The following COL27A1 variants were observed in gnomAD, a reference collection of about 807,000 sequenced individuals.
COL27A1 encodes the protein collagen alpha-1(XXVII) chain.
A neutral mutation model predicts 251.3 loss-of-function variants in COL27A1; 106 were observed. The observed-to-expected ratio is 0.42, with a 90% CI of 0.36 to 0.50. The LOEUF is 0.50. COL27A1 is among the 20% of genes least tolerant of loss of function. The pLI, the probability that COL27A1 is intolerant of heterozygous loss-of-function variation, is 0.00. For missense variants in COL27A1, 2,325 were observed against 2,522.8 expected (o/e 0.92, Z 1.68); for synonymous variants, 1,000 against 986.3 (o/e 1.01, Z -0.26).
intron 3 of COL27A1, among the ~76,000 whole-genome samples, 183 bp from the exon 4 acceptor site, chr9:114,178,108 T>C (rs140099137): frequency 1.3e-5 from 2 of 152,282 alleles, no homozygotes; most frequent in East Asian, 3.9e-4. Flanking sequence ...GAATAGTAGC[T>C]ATGAAAGCCC....
intron 37 of COL27A1, among the ~76,000 whole-genome samples, chr9:114,280,266 C>T (rs1345023904): frequency 1.3e-5 from 2 of 151,186 alleles, no homozygotes; most frequent in African/African-American, 2.4e-5. Context: ...GGCTGGAGTG[C>T]GGTGGTGCTC....
chr9:114,304,789 T>G, intron 57 of COL27A1, 116 bp downstream of exon 57: 1 of 847,440 alleles, frequency 1.2e-6, no homozygotes, highest in East Asian at 2.6e-5. Context: ...TTCAGAGTCC[T>G]GGTCTTGGTG....
rs1829506053 is a variant in COL27A1 at position 114,312,431 on chromosome 9, G to C, written c.*1736G>C. 6.6e-6 allele frequency: 1 copy of C among 152,240 alleles called. No homozygotes were observed. Among genetic ancestry groups the C allele is most frequent in the African/African-American group, 2.4e-5 (1 of 41,526 alleles). 9.4% of individuals were successfully genotyped at this position (152,240 alleles called of 1,614,324 possible). A position where few individuals can be genotyped will look rare whatever the true frequency, so the allele number is the denominator to read the frequency against. On this transcript the variant is annotated 3_prime_UTR_variant, in exon 61 of 61. Transcript: ENST00000356083. ...CGTTTACGTCTCTGTCCACATGTCA[G>C]TGTATTAAAACCCCAATGGGTTCCG...
chr9:114,168,628 A>G lies in COL27A1; in HGVS notation c.1073A>G (p.Lys358Arg), dbSNP rs1849076373. 6.2e-7 allele frequency: 1 copy of G among 1,614,092 alleles called. No homozygotes were observed. Among genetic ancestry groups the G allele is most frequent in the Non-Finnish European group, 8.5e-7 (1 of 1,180,034 alleles). ...CCTGCGGCCGCTCAACCATCACAGAAGATCACAGCCACCAAAATCCCCAAA... is the reference window on the plus strand; with the variant it reads ...CCTGCGGCCGCTCAACCATCACAGAGGATCACAGCCACCAAAATCCCCAAA... ...PRPAAAQPSQ[K>R]ITATKIPKSL... The change falls in exon 3 of 61, where the codon AAG becomes AGG. Residue 358 changes from lysine to arginine, a missense_variant. Lys to Arg is a conservative substitution (Grantham distance 26). Around this residue, in one of 4 missense-constraint regions of COL27A1, gnomAD observed 1,183 missense variants for 1,144.1 expected, o/e 1.03. Coordinates refer to ENST00000356083, the MANE Select transcript of COL27A1 (RefSeq NM_032888.4).
intron 12 of COL27A1, chr9:114,218,001 C>G (rs1830820586): frequency 5.6e-6 from 2 of 356,804 alleles, no homozygotes; most frequent in Non-Finnish European, 1.1e-5. Context: ...GTAATCCCAG[C>G]TACTTGGGAG....
chr9:114,301,863 C>A (rs1230938937), intron 55 of COL27A1, 146 bp downstream of exon 55: 4 of 927,818 alleles, frequency 4.3e-6, no homozygotes, highest in African/African-American at 1.7e-5. Context: ...TATAGGGCAT[C>A]CCCCGAACAT....
chr9:114,275,984 G>T lies in COL27A1; in HGVS notation c.3717+216G>T, dbSNP rs370093233. Among the ~76,000 whole-genome samples, 3 of 152,310 alleles carry T rather than the reference G, an allele frequency of 2.0e-5. No individual in the cohort carries two copies. In the East Asian group the frequency reaches 5.8e-4, roughly 29 times the overall value. ...GGTTACTCATCCTCCTGGCTGCCCT[G>T]CCCTGTGCAAACCTGGTCCCTGCCG... On this transcript the variant is annotated intron_variant, in intron 37 of 60. Transcript: ENST00000356083.
At chr9:114,181,231 G>A (rs777387507) in intron 4 of COL27A1, among the ~76,000 whole-genome samples, 1 of 152,160 alleles carries the variant, frequency 6.6e-6, no homozygotes, top group Non-Finnish European at 1.5e-5. Flanking sequence ...AGGTTCTGTC[G>A]CGTGCCAGGA....
chr9:114,258,491 C>T (rs1391032034), intron 27 of COL27A1, 50 bp from the exon 28 acceptor site: 2 of 1,561,140 alleles, frequency 1.3e-6, no homozygotes, highest in Non-Finnish European at 1.8e-6. Context: ...CCCCGTGTTG[C>T]TCTCACTTCC....
chr9:114,269,055 C>A (rs1834940636), intron 34 of COL27A1, 186 bp from the exon 35 acceptor site: 1 of 533,210 alleles, frequency 1.9e-6, no homozygotes, highest in African/African-American at 1.9e-5. Context: ...AGTCCGTGGA[C>A]AAGGCTTACT....
At chr9:114,176,699 A>G (rs764269738) in intron 3 of COL27A1, among the ~76,000 whole-genome samples, 1 of 152,156 alleles carries the variant, frequency 6.6e-6, no homozygotes, top group Non-Finnish European at 1.5e-5. Flanking sequence ...TCTGCCGCCA[A>G]TTTGGCCAGA....
chr9:114,304,714 G>A (rs201874553), intron 57 of COL27A1, 41 bp downstream of exon 57: 74 of 1,571,510 alleles, frequency 4.7e-5, no homozygotes, highest in South Asian at 1.1e-5. Context: ...CCCTTCCTGG[G>A]AGAAACGCAA....
At chr9:114,240,370 G>A in intron 20 of COL27A1, 64 bp from the exon 21 acceptor site, 3 of 1,594,220 alleles carry the variant, frequency 1.9e-6, no homozygotes, top group Non-Finnish European at 1.7e-6. Context: ...GGGTTGCCTT[G>A]CCAGCCTGCG....
At chr9:114,192,851 G>A (rs1828840524) in intron 5 of COL27A1, among the ~76,000 whole-genome samples, 2 of 152,220 alleles carry the variant, frequency 1.3e-5, no homozygotes, top group South Asian at 4.1e-4. Context: ...GTCTGGTGGA[G>A]GGTGACCGAG....
Position 114,206,294 on chromosome 9 carries a change from A to G in COL27A1, c.2266A>G (p.Arg756Gly). The change falls in exon 10 of 61, where the codon AGG (arginine) becomes GGG (glycine). Residue 756 changes from arginine (R) to glycine (G), a missense_variant and splice_region_variant. Physicochemically the swap from Arg to Gly is moderately radical, Grantham distance 125. Around this residue, in one of 4 missense-constraint regions of COL27A1, gnomAD observed 1,183 missense variants for 1,144.1 expected, o/e 1.03. Transcript: ENST00000356083. ...AGGAGATCCCGGCCCCAAAGGCAGC[A>G]GGGTAAGTGGTTCCTGGCCAGTGCC... The part of the protein sequence containing the change: ...PVGDPGPKGS[R>G]GYIGLPGLFG... 1 of 1,614,132 alleles carries G rather than the reference A, an allele frequency of 6.2e-7. No individual in the cohort carries two copies. The highest frequency in any genetic ancestry group is 1.1e-5 in the South Asian group (1 of 91,084).
intron 39 of COL27A1, among the ~76,000 whole-genome samples, 193 bp downstream of exon 39, chr9:114,282,757 G>A (rs925327154): frequency 3.9e-5 from 6 of 152,188 alleles, no homozygotes; most frequent in African/African-American, 9.7e-5. Flanking sequence ...CTGCAGCCCC[G>A]CCTCCGGAAC....
chr9:114,250,566 G>GT (rs1184241404), intron 24 of COL27A1, 49 bp from the exon 25 acceptor site: 1 of 1,564,640 alleles, frequency 6.4e-7, no homozygotes, highest in African/African-American at 1.4e-5. Flanking sequence ...GGAGGGCTGG[G>GT]TCCCCGGATT....
intron 19 of COL27A1, among the ~76,000 whole-genome samples, chr9:114,238,089 G>A (rs997151074): frequency 6.6e-6 from 1 of 152,218 alleles, no homozygotes; most frequent in Non-Finnish European, 1.5e-5. Context: ...GCCACCCACA[G>A]CCACTCTGGA....
intron 23 of COL27A1, among the ~76,000 whole-genome samples, chr9:114,244,673 G>A (rs1038639499): frequency 1.3e-5 from 2 of 152,208 alleles, no homozygotes; most frequent in African/African-American, 4.8e-5. Context: ...GGGAGGAGCC[G>A]AAGGGGGAGG....
Sources: gnomAD v4.1 joint callset for allele counts (sites outside exome capture counted in the v4.1 genomes callset) on GRCh38, gnomAD v4.1.1 for gene constraint, gnomAD v4.1.1 regional missense constraint, MANE v1.5 for transcripts, NCBI Gene and HGNC (gene_info 2026-07-23, HGNC 2026-07-21) for gene names.